RTN4RL2: variants seen among roughly 807,000 people sequenced by gnomAD.
The protein encoded by RTN4RL2 is reticulon 4 receptor like 2.
RTN4RL2 carries 9 observed loss-of-function variants against 27.8 expected under a neutral mutation model. The ratio of observed to expected loss-of-function variants is 0.32; its 90% CI spans 0.20 to 0.57. The LOEUF is 0.57. Among genes scored for constraint, RTN4RL2 ranks in the 20% least tolerant of loss-of-function variants. The pLI is 0.90. For synonymous variants in RTN4RL2, 285 were observed against 297.9 expected (o/e 0.96, Z 0.45); for missense variants, 436 against 596.8 (o/e 0.73, Z 2.81).
At chr11:57,475,573 A>G (rs1455614784) in intron 2 of RTN4RL2, among the ~76,000 whole-genome samples, 1 of 152,162 alleles carries the variant, frequency 6.6e-6, no homozygotes, top group Non-Finnish European at 1.5e-5. Context: ...ATAATGGCTA[A>G]CTCATGGAAC....
intron 1 of RTN4RL2, among the ~76,000 whole-genome samples, chr11:57,466,763 A>G (rs1230649883): frequency 6.6e-6 from 1 of 152,184 alleles, no homozygotes; most frequent in Non-Finnish European, 1.5e-5. Flanking sequence ...GTCCCAAGTT[A>G]CTTCCAGTCA....
In RTN4RL2 at chr11:57,476,851, C is replaced by G. The variant is rs373734372; in HGVS notation, c.1203C>G (p.Leu401=). 1.2e-4 allele frequency: 193 copies of G among 1,572,956 alleles called. 4 individuals are homozygous for G. In the South Asian group the frequency reaches 2.0e-3, roughly 16 times the overall value. The part of the protein sequence containing the change: ...QAPPDSRGPA[L]SAGLPSPLLC... ...CCCCGGACTCCCGAGGCCCTGCGCT[C>G]TCGGCCGGGCTCCCCAGCCCTCTGC... Residue 401 remains leucine (L), a synonymous_variant, in exon 3 of 3, where the codon CTC becomes CTG. Transcript: ENST00000335099. The surrounding 1 kb of genome is among the most constrained non-coding windows in gnomAD (Gnocchi z 8.2).
At chr11:57,474,008 T>C (rs1943580270) in intron 2 of RTN4RL2, among the ~76,000 whole-genome samples, 1 of 151,292 alleles carries the variant, frequency 6.6e-6, no homozygotes, top group African/African-American at 2.4e-5. Context: ...CATACATCTC[T>C]GGGTGTGTCC....
At position 57,467,161 on chromosome 11, in the gene RTN4RL2, C is replaced by CA. The variant is rs1943531929; in HGVS notation, c.32-448_32-447insA. ...GGCCACTTGAGGCTATAACGTTGTC[C>CA]CCTGAGCCCCCAGACATGGGAGCAC... On this transcript the variant is annotated intron_variant, in intron 1 of 2. Transcript: ENST00000335099. This position sits in a 1 kb window ranked among gnomAD's most constrained non-coding sequence, Gnocchi z 5.5. Among the ~76,000 whole-genome samples, 1 of 152,158 alleles carries CA rather than the reference C, an allele frequency of 6.6e-6. No homozygotes were observed. Among genetic ancestry groups the CA allele is most frequent in the Non-Finnish European group, 1.5e-5 (1 of 68,030 alleles).
At position 57,477,211 on chromosome 11, in the gene RTN4RL2, A is replaced by C; in HGVS notation, c.*300A>C. The C allele has an allele frequency of 2.8e-6, 1 of 350,930 alleles. No homozygotes were observed. Among genetic ancestry groups the C allele is most frequent in the African/African-American group, 2.1e-5 (1 of 47,214 alleles). The allele number at this position is 350,930 out of a possible 1,614,324, so 21.7% of individuals were successfully genotyped here. The stretch of plus-strand genomic sequence containing the variant: ...GCCCCCCAGGCAGCCGCTGACCCGC[A>C]CTCCTAAGGGCCCACAGCGGACACC... On this transcript the variant is annotated 3_prime_UTR_variant, in exon 3 of 3. Transcript: ENST00000335099.
rs551875437 is a variant in RTN4RL2, at chr11:57,474,077, G to A, written c.514-2085G>A. 2.0e-5 allele frequency among the ~76,000 whole-genome samples: 3 copies of A among 152,278 alleles called. No individual in the cohort carries two copies. The South Asian group carries it at 6.2e-4, about 32-fold the overall frequency. On this transcript the variant is annotated intron_variant, in intron 2 of 2. Transcript: ENST00000335099. ...CCATTTAGGTGTTTTGAGTGGCAGG[G>A]ATTCCAAGCCTACCCCCTGGATGGG...
chr11:57,476,634 A>G lies in RTN4RL2; in HGVS notation c.986A>G (p.Asn329Ser). 1.4e-6 allele frequency: 2 copies of G among 1,412,014 alleles called. No individual in the cohort carries two copies. The highest frequency in any genetic ancestry group is 9.2e-7 in the Non-Finnish European group (1 of 1,092,416). The allele number at this position is 1,412,014 out of a possible 1,614,324, so 87.5% of individuals were successfully genotyped here. Residue 329 changes from asparagine to serine, a missense_variant, in exon 3 of 3, where the codon AAC becomes AGC. This residue lies in a region of RTN4RL2 where 365 missense variants were observed against 530.5 expected (regional missense o/e 0.69). Transcript: ENST00000335099. The surrounding 1 kb of genome is among the most constrained non-coding windows in gnomAD (Gnocchi z 8.2). ...CGCGCCCGCGGCAACAGCTCCTCCA[A>G]CCACCTGTACGGGGTGGCCGAGGCC... ...GSRARGNSSS[N>S]HLYGVAEAGA... is the part of the protein sequence containing the mutation.
chr11:57,462,953 A>G (rs1943494666), intron 1 of RTN4RL2, among the ~76,000 whole-genome samples: 2 of 152,326 alleles, frequency 1.3e-5, no homozygotes, highest in South Asian at 2.1e-4. Flanking sequence ...CAGACTCAGC[A>G]TTGTGGCTGG....
chr11:57,468,562 G>A, intron 2 of RTN4RL2: 1 of 1,536,554 alleles, frequency 6.5e-7, no homozygotes, highest in Non-Finnish European at 8.7e-7. Context: ...CTTCCCCCAG[G>A]GTCCCCTGCC....
In RTN4RL2 at chr11:57,468,532, T is replaced by A. The variant is rs946645648; in HGVS notation, c.513+442T>A. Reference sequence around the variant, plus strand: ...TGTCTCTTTCTGTGATCTCACGTGTTTGCCTTCAGGGCACTCTGCCTTCCC... The same window carrying A: ...TGTCTCTTTCTGTGATCTCACGTGTATGCCTTCAGGGCACTCTGCCTTCCC... On this transcript the variant is annotated intron_variant, in intron 2 of 2. Transcript: ENST00000335099. 1.8e-5 allele frequency: 28 copies of A among 1,532,046 alleles called. No homozygotes were observed. The African/African-American group carries it at 3.4e-4, about 19-fold the overall frequency. 94.9% of individuals were successfully genotyped at this position (1,532,046 alleles called of 1,614,324 possible).
intron 1 of RTN4RL2, among the ~76,000 whole-genome samples, chr11:57,466,296 C>T (rs571838635): frequency 6.6e-5 from 10 of 152,084 alleles, no homozygotes; most frequent in South Asian, 2.1e-4. Flanking sequence ...TGAGCCACCG[C>T]GCCCGGCCAA....
chr11:57,466,839 C>G (rs745395570), intron 1 of RTN4RL2, among the ~76,000 whole-genome samples: 5 of 152,198 alleles, frequency 3.3e-5, no homozygotes, highest in Non-Finnish European at 7.3e-5. Flanking sequence ...TTTTGGTTGT[C>G]ACAACTGGAG....
intron 2 of RTN4RL2, among the ~76,000 whole-genome samples, chr11:57,470,783 G>A (rs1419354289): frequency 6.6e-6 from 1 of 152,136 alleles, no homozygotes; most frequent in Non-Finnish European, 1.5e-5. Flanking sequence ...GAGGGCCTGA[G>A]CTTGAATCCC....
At chr11:57,463,890 T>A (rs1943502962) in intron 1 of RTN4RL2, among the ~76,000 whole-genome samples, 1 of 151,132 alleles carries the variant, frequency 6.6e-6, no homozygotes, top group African/African-American at 2.4e-5. Flanking sequence ...GAGTGCTCGC[T>A]CCAGCCCCAG....
intron 2 of RTN4RL2, among the ~76,000 whole-genome samples, chr11:57,473,290 T>C (rs1214544595): frequency 3.3e-5 from 5 of 152,132 alleles, no homozygotes; most frequent in Admixed American, 1.3e-4. Context: ...CTAAGTCCCT[T>C]GTTTCACAGA....
At position 57,476,831 on chromosome 11, in the gene RTN4RL2, G is replaced by A. The variant is rs751029313; in HGVS notation, c.1183G>A (p.Asp395Asn). The change falls in exon 3 of 3, where the codon GAC becomes AAC. Residue 395 changes from aspartate to asparagine, a missense_variant. This residue lies in a region of RTN4RL2 where 60 missense variants were observed against 43.0 expected (regional missense o/e 1.40). Coordinates refer to ENST00000335099, the MANE Select transcript of RTN4RL2 (RefSeq NM_178570.3). The surrounding 1 kb of genome is among the most constrained non-coding windows in gnomAD (Gnocchi z 8.2). Reference protein sequence around the residue: ...CPGAACQAPPDSRGPALSAGL... With the variant: ...CPGAACQAPPNSRGPALSAGL... The stretch of plus-strand genomic sequence containing the variant: ...CGGCGCTGCCTGCCAGGCGCCCCCG[G>A]ACTCCCGAGGCCCTGCGCTCTCGGC... 8.3e-6 allele frequency: 13 copies of A among 1,559,778 alleles called. No individual in the cohort carries two copies. In the South Asian group the frequency reaches 1.5e-4, roughly 18 times the overall value.
intron 2 of RTN4RL2, among the ~76,000 whole-genome samples, chr11:57,474,604 G>A (rs1361757671): frequency 6.6e-6 from 1 of 152,184 alleles, no homozygotes; most frequent in Non-Finnish European, 1.5e-5. Flanking sequence ...AAGAGGGGAG[G>A]ACCTCAAGGC....
At chr11:57,473,510 A>G (rs1270109069) in intron 2 of RTN4RL2, among the ~76,000 whole-genome samples, 1 of 148,164 alleles carries the variant, frequency 6.7e-6, no homozygotes, top group Admixed American at 6.9e-5. Context: ...GAGGCAAGGG[A>G]AATGTGGTTT....
At chr11:57,469,622 T>C (rs1943549766) in intron 2 of RTN4RL2, among the ~76,000 whole-genome samples, 1 of 152,190 alleles carries the variant, frequency 6.6e-6, no homozygotes. Context: ...TAAAATACTA[T>C]TTTAAAAAAA....
Sources: gnomAD v4.1 joint callset for allele counts (sites outside exome capture counted in the v4.1 genomes callset) on GRCh38, gnomAD v4.1.1 for gene constraint, gnomAD v4.1.1 regional missense constraint, Gnocchi (gnomAD v3.1) non-coding constraint, MANE v1.5 for transcripts, NCBI Gene and HGNC (gene_info 2026-07-23, HGNC 2026-07-21) for gene names.